Variants in COL4A2 observed in about 807,000 individuals in gnomAD.
COL4A2 encodes collagen alpha-2(IV) chain.
In COL4A2, 99 loss-of-function variants were observed where a neutral mutation model predicts 200.2. That is an observed-to-expected ratio of 0.49 (90% CI 0.42 to 0.58). The LOEUF (loss-of-function observed/expected upper bound fraction) is 0.58. COL4A2 is among the 20% of genes least tolerant of loss of function. COL4A2 has a pLI of 0.00. For missense variants in COL4A2, 1,950 were observed against 2,314.1 expected, an observed-to-expected ratio of 0.84 and a Z score of 3.23; for synonymous variants, 897 against 900.6, an observed-to-expected ratio of 1.00 and a Z score of 0.07.
intron 3 of COL4A2, among the ~76,000 whole-genome samples, chr13:110,337,825 A>G (rs969163167): frequency 6.6e-6 from 1 of 152,178 alleles, no homozygotes; most frequent in Non-Finnish European, 1.5e-5. Context: ...GCACTTTTTA[A>G]CTGTTAAAAA....
At chr13:110,439,282 G>A (rs1311848457) in intron 15 of COL4A2, among the ~76,000 whole-genome samples, 1 of 152,198 alleles carries the variant, frequency 6.6e-6, no homozygotes, top group African/African-American at 2.4e-5. Flanking sequence ...CCACTCAAAA[G>A]ACCGTATTTT....
intron 3 of COL4A2, among the ~76,000 whole-genome samples, chr13:110,346,372 G>A (rs76610957): frequency 0.023 from 3,479 of 152,228 alleles, 155 homozygotes; most frequent in African/African-American, 0.079. Flanking sequence ...GGTCTTAGCC[G>A]TTGATCCCGT....
At chr13:110,387,627 G>A (rs748372933) in intron 4 of COL4A2, among the ~76,000 whole-genome samples, 22 of 152,244 alleles carry the variant, frequency 1.4e-4, no homozygotes, top group Admixed American at 2.6e-4. Context: ...GGAGCCCTGC[G>A]CTTGTTTCTA....
chr13:110,379,248 TGAA>T (rs1028583018), intron 4 of COL4A2, among the ~76,000 whole-genome samples: 1 of 152,126 alleles, frequency 6.6e-6, no homozygotes, highest in Non-Finnish European at 1.5e-5. Context: ...GACAGCCCCG[TGAA>T]GAAGAATTAT....
chr13:110,323,064 A>G (rs1416244830), intron 3 of COL4A2, among the ~76,000 whole-genome samples: 1 of 152,242 alleles, frequency 6.6e-6, no homozygotes, highest in Non-Finnish European at 1.5e-5. Context: ...CAGCCTGGGC[A>G]CTGTTGCACA....
chr13:110,459,089 C>G, intron 22 of COL4A2, 155 bp downstream of exon 22: 5 of 691,878 alleles, frequency 7.2e-6, no homozygotes, highest in Non-Finnish European at 1.1e-5. Flanking sequence ...CCCACATACC[C>G]CAAGGCGGAC....
chr13:110,468,974 A>ATT (rs1193534773), intron 27 of COL4A2, among the ~76,000 whole-genome samples: 3 of 152,198 alleles, frequency 2.0e-5, no homozygotes, highest in African/African-American at 7.2e-5. Context: ...CAAAGCCCTC[A>ATT]TTTAGAGCAC....
chr13:110,391,962 A>T (rs1878999584), intron 4 of COL4A2, among the ~76,000 whole-genome samples: 3 of 152,154 alleles, frequency 2.0e-5, no homozygotes. Flanking sequence ...TGCACATCCC[A>T]GCAGGTGTCT....
At chr13:110,482,692 G>A (rs369736501) in intron 32 of COL4A2, 33 bp downstream of exon 32, 4 of 1,600,200 alleles carry the variant, frequency 2.5e-6, no homozygotes, top group Non-Finnish European at 3.4e-6. Flanking sequence ...TCCTTACCTG[G>A]TCATGGTGGC....
chr13:110,360,128 A>C (rs1280271398), intron 4 of COL4A2, among the ~76,000 whole-genome samples: 3 of 152,080 alleles, frequency 2.0e-5, no homozygotes, highest in Non-Finnish European at 2.9e-5. Context: ...CAGACTCTCC[A>C]CCCCGCAGCC....
At chr13:110,334,560 C>G (rs1378730520) in intron 3 of COL4A2, among the ~76,000 whole-genome samples, 3 of 152,210 alleles carry the variant, frequency 2.0e-5, no homozygotes, top group Non-Finnish European at 4.4e-5. Flanking sequence ...TTCCTTCATA[C>G]CTGTCGTGGT....
chr13:110,316,581 T>A (rs563338888), intron 3 of COL4A2, among the ~76,000 whole-genome samples: 1 of 152,246 alleles, frequency 6.6e-6, no homozygotes, highest in South Asian at 2.1e-4. Context: ...TAAGAGAGCA[T>A]CCTGAAGATG....
At chr13:110,447,352 A>G (rs1167250240) in intron 18 of COL4A2, among the ~76,000 whole-genome samples, 4 of 152,200 alleles carry the variant, frequency 2.6e-5, no homozygotes, top group Admixed American at 2.0e-4. Context: ...CAAGGCAACT[A>G]AATTCCCAGA....
intron 3 of COL4A2, among the ~76,000 whole-genome samples, chr13:110,325,263 GT>G (rs1885377353): frequency 6.6e-6 from 1 of 152,162 alleles, no homozygotes; most frequent in Non-Finnish European, 1.5e-5. Context: ...TTTGTGGAGA[GT>G]TTACCCGAAG....
chr13:110,505,764 G>A lies in COL4A2; in HGVS notation c.4403-651G>A, dbSNP rs190326378. Among the ~76,000 whole-genome samples, 42 of 152,282 alleles carry A rather than the reference G, an allele frequency of 2.8e-4. No individual in the cohort carries two copies. The East Asian group carries it at 4.6e-3, about 17-fold the overall frequency. ...CAAGTGCGCAGTCAGCATGGCCTGC[G>A]ATGAGCCATGTCTCCTGGAAGTGTC... is the stretch of plus-strand genomic sequence containing the variant. On this transcript the variant is annotated intron_variant, in intron 45 of 47. Transcript: ENST00000360467.
chr13:110,311,126 TC>T (rs1046179224), intron 3 of COL4A2, among the ~76,000 whole-genome samples: 2 of 151,928 alleles, frequency 1.3e-5, no homozygotes, highest in Non-Finnish European at 2.9e-5. Context: ...AAGGAGGCTC[TC>T]CCCCTCCTTC....
At chr13:110,375,291 T>G (rs1033330217) in intron 4 of COL4A2, among the ~76,000 whole-genome samples, 2 of 152,210 alleles carry the variant, frequency 1.3e-5, no homozygotes, top group Non-Finnish European at 2.9e-5. Context: ...CTCCAGCAGC[T>G]CCAATGTGGC....
At chr13:110,394,003 C>G (rs939613459) in intron 4 of COL4A2, among the ~76,000 whole-genome samples, 1 of 152,162 alleles carries the variant, frequency 6.6e-6, no homozygotes, top group African/African-American at 2.4e-5. Flanking sequence ...TACCCCCTGC[C>G]ACTATATGAT....
At chr13:110,497,726 CAG>C (rs1883509306) in intron 40 of COL4A2, among the ~76,000 whole-genome samples, 1 of 151,246 alleles carries the variant, frequency 6.6e-6, no homozygotes, top group African/African-American at 2.4e-5. Context: ...GTCAGTCCAC[CAG>C]CACAGCCTCA....
Sources: allele counts gnomAD v4.1 joint callset (sites outside exome capture counted in the v4.1 genomes callset), GRCh38; gene constraint gnomAD v4.1.1; transcripts MANE v1.5; gene names NCBI Gene and HGNC (gene_info 2026-07-23, HGNC 2026-07-21).